EYA2: variants seen among roughly 807,000 people sequenced by gnomAD.
The protein encoded by EYA2 is EYA transcriptional coactivator and phosphatase 2, also known as protein phosphatase EYA2.
In EYA2, 31 loss-of-function variants were observed where a neutral mutation model predicts 69.2. The ratio of observed to expected loss-of-function variants is 0.45; its 90% CI spans 0.34 to 0.60. The LOEUF is 0.60. Among genes scored for constraint, EYA2 ranks in the 20% least tolerant of loss-of-function variants. The pLI is 0.02. For synonymous variants in EYA2, 257 were observed against 279.4 expected (o/e 0.92, Z 0.80); for missense variants, 622 against 701.2 (o/e 0.89, Z 1.28).
chr20:47,074,451 G>A (rs557442562), intron 7 of EYA2, 116 bp downstream of exon 7: 24 of 1,113,110 alleles, frequency 2.2e-5, no homozygotes, highest in Non-Finnish European at 2.6e-5. Flanking sequence ...GTCATTCATG[G>A]ATGTGGCCTG....
chr20:47,099,193 A>G (rs1253564446), intron 9 of EYA2, among the ~76,000 whole-genome samples: 7 of 152,212 alleles, frequency 4.6e-5, no homozygotes, highest in East Asian at 1.9e-4. Flanking sequence ...ATTCCCTTCC[A>G]TTAAGCGTTG....
At chr20:47,018,641 C>T (rs1292031450) in intron 5 of EYA2, among the ~76,000 whole-genome samples, 4 of 152,156 alleles carry the variant, frequency 2.6e-5, no homozygotes, top group African/African-American at 4.8e-5. Flanking sequence ...AAAGGCCCCG[C>T]GGCAGGAAAA....
intron 2 of EYA2, among the ~76,000 whole-genome samples, chr20:46,997,144 CAT>C (rs1171159907): frequency 2.6e-5 from 4 of 152,190 alleles, no homozygotes; most frequent in African/African-American, 7.2e-5. Context: ...ATGAAGCTGA[CAT>C]GTGGTTCCCC....
chr20:47,084,253 A>C (rs1028519048), intron 7 of EYA2, among the ~76,000 whole-genome samples: 3 of 149,364 alleles, frequency 2.0e-5, no homozygotes, highest in African/African-American at 5.0e-5. Flanking sequence ...CTCAAAAAAA[A>C]AGGCTGGCTC....
Position 47,169,185 on chromosome 20 carries a change from G to A in EYA2, c.1025G>A (p.Gly342Asp). The change falls in exon 11 of 16, where the codon GGC becomes GAC. Residue 342 changes from glycine to aspartate, a missense_variant. Transcript: ENST00000327619. Reference protein sequence around the residue: ...HVDDVSSDDNGQDLSTYNFSA... With the variant: ...HVDDVSSDDNDQDLSTYNFSA... ...GATGACGTCTCATCAGATGACAATG[G>A]CCAAGATTTAAGGTGGGAATTTGGG... is the stretch of plus-strand genomic sequence containing the variant. 6.2e-7 allele frequency: 1 copy of A among 1,613,974 alleles called. No homozygotes were observed. The highest frequency in any genetic ancestry group is 8.5e-7 in the Non-Finnish European group (1 of 1,179,958).
intron 1 of EYA2, among the ~76,000 whole-genome samples, chr20:46,949,410 T>G (rs974364434): frequency 6.6e-6 from 1 of 152,156 alleles, no homozygotes; most frequent in Non-Finnish European, 1.5e-5. Context: ...GTCAAGACTT[T>G]CAGGTAAAAG....
At chr20:47,164,479 C>T (rs779594076) in intron 10 of EYA2, among the ~76,000 whole-genome samples, 8 of 152,146 alleles carry the variant, frequency 5.3e-5, no homozygotes, top group African/African-American at 1.7e-4. Flanking sequence ...GCCTGGGGGG[C>T]GGAGGGGGTG....
chr20:47,151,107 G>A (rs1159003068), intron 10 of EYA2, among the ~76,000 whole-genome samples: 9 of 151,884 alleles, frequency 5.9e-5, no homozygotes, highest in African/African-American at 9.7e-5. Context: ...ACAGTTGTTT[G>A]CGCCTGTAAT....
chr20:46,966,905 T>C (rs1457892768), intron 1 of EYA2, among the ~76,000 whole-genome samples: 1 of 152,226 alleles, frequency 6.6e-6, no homozygotes, highest in Non-Finnish European at 1.5e-5. Context: ...CTTTTAAGAT[T>C]ACTAATGCAT....
chr20:46,958,223 G>A (rs376120620), intron 1 of EYA2, among the ~76,000 whole-genome samples: 3 of 152,274 alleles, frequency 2.0e-5, no homozygotes, highest in South Asian at 4.2e-4. Context: ...CTCCTGCCAC[G>A]CTGCTGCCTG....
chr20:46,947,446 A>C (rs889329868), intron 1 of EYA2, among the ~76,000 whole-genome samples: 1 of 152,186 alleles, frequency 6.6e-6, no homozygotes, highest in Non-Finnish European at 1.5e-5. Context: ...CACAAAACAC[A>C]TACAGAAATG....
intron 9 of EYA2, among the ~76,000 whole-genome samples, chr20:47,102,364 A>T (rs978149912): frequency 6.6e-6 from 1 of 152,194 alleles, no homozygotes; most frequent in Non-Finnish European, 1.5e-5. Flanking sequence ...GAGAGGGAGG[A>T]TGGTCCCCCA....
chr20:47,181,835 T>C (rs2034543708), intron 14 of EYA2, among the ~76,000 whole-genome samples: 2 of 152,208 alleles, frequency 1.3e-5, no homozygotes, highest in Admixed American at 1.3e-4. Context: ...TTTAAAATTA[T>C]AGTAGTAGGG....
chr20:47,116,567 T>C (rs949984606), intron 9 of EYA2, among the ~76,000 whole-genome samples: 3 of 152,160 alleles, frequency 2.0e-5, no homozygotes, highest in Non-Finnish European at 2.9e-5. Flanking sequence ...AGCACTCTGC[T>C]CCTTTGGGTG....
intron 5 of EYA2, among the ~76,000 whole-genome samples, chr20:47,025,322 T>C (rs1384871557): frequency 2.0e-5 from 3 of 152,216 alleles, no homozygotes; most frequent in Admixed American, 2.0e-4. Flanking sequence ...TCTCTGATTT[T>C]AGTGCACAGG....
chr20:47,006,039 G>T (rs1334727851), intron 4 of EYA2, among the ~76,000 whole-genome samples: 1 of 152,220 alleles, frequency 6.6e-6, no homozygotes, highest in Non-Finnish European at 1.5e-5. Context: ...ATAATATCAG[G>T]ACTCAGCCTC....
intron 1 of EYA2, among the ~76,000 whole-genome samples, chr20:46,927,746 G>T (rs533950475): frequency 1.8e-4 from 28 of 152,204 alleles, no homozygotes; most frequent in African/African-American, 6.5e-4. Context: ...GATTTGGGTG[G>T]GGACACAGCC....
At chr20:47,056,259 A>G (rs1432496582) in intron 5 of EYA2, among the ~76,000 whole-genome samples, 1 of 152,192 alleles carries the variant, frequency 6.6e-6, no homozygotes, top group East Asian at 1.9e-4. Context: ...GCAGCAAGGC[A>G]GATGTGGACC....
At chr20:47,110,461 G>A (rs905818468) in intron 9 of EYA2, among the ~76,000 whole-genome samples, 3 of 151,952 alleles carry the variant, frequency 2.0e-5, no homozygotes, top group East Asian at 1.9e-4. Context: ...GGCTGGTCTC[G>A]AACTCCTGGG....
Sources: gnomAD v4.1 joint callset for allele counts (sites outside exome capture counted in the v4.1 genomes callset) on GRCh38, gnomAD v4.1.1 for gene constraint, MANE v1.5 for transcripts, NCBI Gene and HGNC (gene_info 2026-07-23, HGNC 2026-07-21) for gene names.